Variants in MCC observed in about 807,000 individuals in gnomAD.
MCC encodes the protein colorectal mutant cancer protein.
MCC carries 90 observed loss-of-function variants against 116.2 expected under a neutral mutation model. The observed-to-expected ratio is 0.77, with a 90% CI of 0.65 to 0.92. The LOEUF is 0.92. Ranked by LOEUF, MCC falls within the 40% of genes least tolerant of loss-of-function variation. The probability of loss-of-function intolerance (pLI) is 0.00; values close to 1 mark genes in which losing one functional copy is unlikely to be tolerated. For synonymous variants in MCC, 578 were observed against 510.5 expected (o/e 1.13, Z -1.78); for missense variants, 1,516 against 1,312.2 (o/e 1.16, Z -2.40).
chr5:113,466,061 T>C (rs1771895522), intron 1 of MCC, among the ~76,000 whole-genome samples: 1 of 151,998 alleles, frequency 6.6e-6, no homozygotes, highest in Non-Finnish European at 1.5e-5. Context: ...CTCAGCCTCC[T>C]GGGTAGATGG....
chr5:113,095,792 G>A (rs1755970159), intron 8 of MCC, among the ~76,000 whole-genome samples: 1 of 152,104 alleles, frequency 6.6e-6, no homozygotes, highest in Admixed American at 6.5e-5. Context: ...AGAGGTATCT[G>A]ATTTTAATCT....
At chr5:113,369,877 T>C (rs1243632764) in intron 2 of MCC, among the ~76,000 whole-genome samples, 1 of 152,188 alleles carries the variant, frequency 6.6e-6, no homozygotes, top group African/African-American at 2.4e-5. Flanking sequence ...CCTACTTCTT[T>C]CCTTCAAAAT....
chr5:113,027,086 C>A lies in MCC; in HGVS notation c.*216G>T. The stretch of plus-strand genomic sequence containing the variant: ...CATGTGTTTACACGCTGTTGTGGGC[C>A]CAGGAGGGAAGAGCGGGCACCTCTG... On this transcript the variant is annotated 3_prime_UTR_variant, in exon 19 of 19. Coordinates refer to ENST00000408903, the MANE Select transcript of MCC (RefSeq NM_001085377.2). 1 of 561,796 alleles carries A rather than the reference C, an allele frequency of 1.8e-6. No individual in the cohort carries two copies. The highest frequency in any genetic ancestry group is 3.2e-5 in the Admixed American group (1 of 30,806). The allele number at this position is 561,796 out of a possible 1,614,324, so 34.8% of individuals were successfully genotyped here. A position where few individuals can be genotyped will look rare whatever the true frequency, so the allele number is the denominator to read the frequency against.
intron 3 of MCC, among the ~76,000 whole-genome samples, chr5:113,251,416 G>C (rs1764795775): frequency 6.6e-6 from 1 of 152,156 alleles, no homozygotes; most frequent in Non-Finnish European, 1.5e-5. Flanking sequence ...GATACAGACA[G>C]CTTTTCTGAT....
At chr5:113,294,889 C>A (rs375480930) in intron 3 of MCC, 1 of 985,390 alleles carries the variant, frequency 1.0e-6, no homozygotes, top group Non-Finnish European at 1.2e-6. Flanking sequence ...GGAGCCGGAG[C>A]GGAGCTGCAC....
intron 11 of MCC, among the ~76,000 whole-genome samples, chr5:113,076,490 A>G (rs953949587): frequency 1.3e-5 from 2 of 152,224 alleles, no homozygotes; most frequent in Non-Finnish European, 2.9e-5. Context: ...GCCAGAAGAG[A>G]GTGGGGGCCA....
intron 2 of MCC, among the ~76,000 whole-genome samples, chr5:113,342,833 T>C (rs1768047861): frequency 6.6e-6 from 1 of 152,168 alleles, no homozygotes; most frequent in South Asian, 2.1e-4. Context: ...AGGTGAGACA[T>C]TTCCTAAACA....
intron 6 of MCC, among the ~76,000 whole-genome samples, chr5:113,112,824 A>C (rs1230207127): frequency 6.6e-6 from 1 of 152,240 alleles, no homozygotes; most frequent in South Asian, 2.1e-4. Context: ...AAGACTTTTT[A>C]TAAGCCAACT....
intron 1 of MCC, among the ~76,000 whole-genome samples, chr5:113,470,088 A>G (rs1325547207): frequency 1.3e-5 from 2 of 151,826 alleles, no homozygotes; most frequent in Non-Finnish European, 2.9e-5. Context: ...TGCACATGAG[A>G]TGGGTTTCCT....
intron 3 of MCC, 100 bp from the exon 4 acceptor site, chr5:113,151,522 C>A: frequency 1.5e-6 from 1 of 662,126 alleles, no homozygotes; most frequent in African/African-American, 1.8e-5. Flanking sequence ...AGCCTATCAT[C>A]CAAAAAGCAA....
intron 3 of MCC, among the ~76,000 whole-genome samples, chr5:113,273,913 C>T (rs374316463): frequency 1.3e-5 from 2 of 152,172 alleles, no homozygotes; most frequent in African/African-American, 4.8e-5. Context: ...AGTCTGCCCA[C>T]TATGTTACAC....
chr5:113,170,620 T>A lies in MCC; in HGVS notation c.628-19198A>T, dbSNP rs188074815. On this transcript the variant is annotated intron_variant, in intron 3 of 18. Transcript: ENST00000408903. The stretch of plus-strand genomic sequence containing the variant: ...TTGTTTGTTAAAAGCACTACAAAAA[T>A]GTTACAGTTCAAGGTAGTATTTACT... 1.1e-3 allele frequency among the ~76,000 whole-genome samples: 171 copies of A among 152,236 alleles called. 1 individual carries two copies. Among genetic ancestry groups the A allele is most frequent in the African/African-American group, 3.9e-3 (164 of 41,544 alleles).
At chr5:113,254,303 T>C (rs1261900833) in intron 3 of MCC, among the ~76,000 whole-genome samples, 1 of 152,144 alleles carries the variant, frequency 6.6e-6, no homozygotes. Flanking sequence ...CTTTATAATA[T>C]ACTCCAGGAA....
At chr5:113,329,823 CAG>C (rs1331453405) in intron 3 of MCC, among the ~76,000 whole-genome samples, 1 of 152,164 alleles carries the variant, frequency 6.6e-6, no homozygotes, top group Admixed American at 6.5e-5. Flanking sequence ...GTATATAGAT[CAG>C]CTTAGCCTCT....
intron 3 of MCC, among the ~76,000 whole-genome samples, chr5:113,181,469 T>C (rs1761624433): frequency 6.6e-6 from 1 of 152,194 alleles, no homozygotes; most frequent in South Asian, 2.1e-4. Context: ...GTTATCTAAA[T>C]GAGTAGGATC....
At chr5:113,112,024 G>A (rs563366104) in intron 6 of MCC, among the ~76,000 whole-genome samples, 32 of 152,238 alleles carry the variant, frequency 2.1e-4, no homozygotes, top group African/African-American at 7.5e-4. Flanking sequence ...CTCAAATAAA[G>A]GGCAGCTCCA....
rs181158749 is a variant in MCC, at chr5:113,172,702, T to C, written c.628-21280A>G. Among the ~76,000 whole-genome samples, 622 of 152,300 alleles carry C rather than the reference T, an allele frequency of 4.1e-3. 5 individuals carry two copies. The highest frequency in any genetic ancestry group is 0.014 in the African/African-American group (590 of 41,556). On this transcript the variant is annotated intron_variant, in intron 3 of 18. Transcript: ENST00000408903. ...TTATAGAATGTGTAACCAATTTTCC[T>C]TGTTGTATATTGCTACAATGAAGAA... is the stretch of plus-strand genomic sequence containing the variant.
intron 3 of MCC, among the ~76,000 whole-genome samples, chr5:113,316,120 T>C (rs1297577326): frequency 1.3e-5 from 2 of 151,570 alleles, no homozygotes; most frequent in Non-Finnish European, 2.9e-5. Flanking sequence ...GCTGGGCGTA[T>C]TGGCACACGC....
At chr5:113,215,607 C>A (rs538312643) in intron 3 of MCC, among the ~76,000 whole-genome samples, 19 of 152,120 alleles carry the variant, frequency 1.2e-4, no homozygotes, top group Non-Finnish European at 2.4e-4. Flanking sequence ...CTTCTGCCTG[C>A]CATCAAGTGA....
Sources: gnomAD v4.1 joint callset for allele counts (sites outside exome capture counted in the v4.1 genomes callset) on GRCh38, gnomAD v4.1.1 for gene constraint, MANE v1.5 for transcripts, NCBI Gene and HGNC (gene_info 2026-07-23, HGNC 2026-07-21) for gene names.